The following NAALADL2 variants were observed in gnomAD, a reference collection of about 807,000 sequenced individuals.
NAALADL2 encodes the protein N-acetylated alpha-linked acidic dipeptidase like 2.
In NAALADL2, 76 loss-of-function variants were observed where a neutral mutation model predicts 87.2. The ratio of observed to expected loss-of-function variants is 0.87; its 90% CI spans 0.72 to 1.05. The LOEUF (loss-of-function observed/expected upper bound fraction) is 1.05, where lower values mean the gene tolerates loss of function less well. Among genes scored for constraint, NAALADL2 ranks in the 50% least tolerant of loss-of-function variants. The pLI, the probability that NAALADL2 is intolerant of heterozygous loss-of-function variation, is 0.00. For missense variants in NAALADL2, 1,089 were observed against 945.8 expected, an observed-to-expected ratio of 1.15 and a Z score of -1.99; for synonymous variants, 354 against 331.0, an observed-to-expected ratio of 1.07 and a Z score of -0.75.
At chr3:175,055,471 G>C (rs139010027) in intron 1 of NAALADL2, among the ~76,000 whole-genome samples, 1 of 152,152 alleles carries the variant, frequency 6.6e-6, no homozygotes, top group Non-Finnish European at 1.5e-5. Context: ...AAGGCTCACA[G>C]CTTTTGTACA....
At chr3:175,060,323 C>T (rs184074012) in intron 1 of NAALADL2, among the ~76,000 whole-genome samples, 83 of 152,220 alleles carry the variant, frequency 5.5e-4, no homozygotes, top group Middle Eastern at 3.4e-3. Context: ...AAGAAAAGTT[C>T]GTAAATACAA....
intron 1 of NAALADL2, among the ~76,000 whole-genome samples, chr3:174,518,052 G>T (rs1455508212): frequency 2.0e-5 from 3 of 151,966 alleles, no homozygotes; most frequent in African/African-American, 4.8e-5. Flanking sequence ...GCACAGACTC[G>T]AAAAAACTGG....
At chr3:174,663,760 C>G (rs1332402856) in intron 2 of NAALADL2, among the ~76,000 whole-genome samples, 1 of 151,332 alleles carries the variant, frequency 6.6e-6, no homozygotes, top group Non-Finnish European at 1.5e-5. Flanking sequence ...TGGAGACTTT[C>G]ATTTACTATA....
intron 1 of NAALADL2, among the ~76,000 whole-genome samples, chr3:174,986,911 C>A (rs533834940): frequency 6.6e-6 from 1 of 152,102 alleles, no homozygotes; most frequent in South Asian, 2.1e-4. Context: ...ATGATTCATA[C>A]ATTTTGTGCT....
chr3:175,667,183 G>GAA (rs1491065706), intron 11 of NAALADL2, among the ~76,000 whole-genome samples: 1 of 38,262 alleles, frequency 2.6e-5, no homozygotes, highest in Non-Finnish European at 4.8e-5. Flanking sequence ...GAAAGAAAGA[G>GAA]AAAGAAAGAA....
At chr3:174,902,760 G>A (rs777794297) in intron 1 of NAALADL2, among the ~76,000 whole-genome samples, 3 of 152,104 alleles carry the variant, frequency 2.0e-5, no homozygotes, top group African/African-American at 7.2e-5. Context: ...CTGGTATGCT[G>A]ATGGATAAAG....
At chr3:175,668,297 G>A (rs1291721490) in intron 11 of NAALADL2, among the ~76,000 whole-genome samples, 2 of 152,132 alleles carry the variant, frequency 1.3e-5, no homozygotes, top group South Asian at 2.1e-4. Flanking sequence ...GAGAACAATT[G>A]TGGCATTTGA....
chr3:175,806,847 T>C lies in NAALADL2; in HGVS notation c.*3644T>C, dbSNP rs1033219772. On this transcript the variant is annotated 3_prime_UTR_variant, in exon 14 of 14. Coordinates refer to ENST00000454872, the MANE Select transcript of NAALADL2 (RefSeq NM_207015.3). ...GTATTCAGTTCTTTGTTCTTTACAC[T>C]GAGTGCCGAAAAAAAAAATCAGACT... is the stretch of plus-strand genomic sequence containing the variant. The C allele has an allele frequency of 2.0e-5, 3 of 151,434 alleles. No homozygotes were observed. Among genetic ancestry groups the C allele is most frequent in the African/African-American group, 7.3e-5 (3 of 41,234 alleles). The allele number at this position is 151,434 out of a possible 1,614,324, so 9.4% of individuals were successfully genotyped here. A position where few individuals can be genotyped will look rare whatever the true frequency, so the allele number is the denominator to read the frequency against.
At chr3:174,499,304 T>C (rs1578031489) in intron 1 of NAALADL2, among the ~76,000 whole-genome samples, 1 of 152,082 alleles carries the variant, frequency 6.6e-6, no homozygotes, top group East Asian at 1.9e-4. Context: ...ATATAAGGGT[T>C]CCTCCTACAT....
chr3:175,104,988 C>G (rs1274643210), intron 2 of NAALADL2, among the ~76,000 whole-genome samples: 2 of 152,142 alleles, frequency 1.3e-5, no homozygotes, highest in Non-Finnish European at 2.9e-5. Flanking sequence ...GCTTATGCCC[C>G]TCGCAATCCT....
At chr3:175,386,726 C>G (rs1768423980) in intron 5 of NAALADL2, among the ~76,000 whole-genome samples, 1 of 152,082 alleles carries the variant, frequency 6.6e-6, no homozygotes, top group Non-Finnish European at 1.5e-5. Context: ...GTTGTCTGTG[C>G]CTTCCAGCTC....
chr3:175,101,765 A>G (rs1417898975), intron 2 of NAALADL2, among the ~76,000 whole-genome samples: 3 of 152,180 alleles, frequency 2.0e-5, no homozygotes, highest in Non-Finnish European at 4.4e-5. Flanking sequence ...GAAGGCAGGA[A>G]TGTGTTTGCC....
At chr3:175,490,722 C>T (rs1030864993) in intron 9 of NAALADL2, among the ~76,000 whole-genome samples, 5 of 151,794 alleles carry the variant, frequency 3.3e-5, no homozygotes, top group Non-Finnish European at 5.9e-5. Context: ...TGGAAAGTAC[C>T]ATCAGAAGCA....
intron 9 of NAALADL2, among the ~76,000 whole-genome samples, chr3:175,485,492 G>T (rs946652514): frequency 2.0e-5 from 3 of 152,140 alleles, no homozygotes; most frequent in Non-Finnish European, 4.4e-5. Context: ...CAAAAGTAGG[G>T]GAGCTAACCA....
intron 10 of NAALADL2, among the ~76,000 whole-genome samples, chr3:175,602,526 T>C (rs1421258320): frequency 6.6e-6 from 1 of 151,624 alleles, no homozygotes; most frequent in Non-Finnish European, 1.5e-5. Flanking sequence ...CACACACACA[T>C]TATTTTTAGC....
chr3:174,666,033 C>T (rs916107477), intron 2 of NAALADL2, among the ~76,000 whole-genome samples: 2 of 152,170 alleles, frequency 1.3e-5, no homozygotes, highest in African/African-American at 4.8e-5. Flanking sequence ...TACAAAGACT[C>T]TATTTCCAAA....
exon 1 of NAALADL2, chr3:174,441,016 G>C (rs1714557251): frequency 6.6e-6 from 1 of 152,066 alleles, no homozygotes; most frequent in African/African-American, 2.4e-5. Flanking sequence ...AGACGAGCCC[G>C]CGCCCGCGCC....
chr3:175,203,375 A>T (rs1454884499), intron 2 of NAALADL2, among the ~76,000 whole-genome samples: 2 of 152,094 alleles, frequency 1.3e-5, no homozygotes, highest in Admixed American at 6.6e-5. Context: ...AGCTTCAAGT[A>T]AGGTCAGAAA....
chr3:174,813,672 T>C (rs1215783256), intron 3 of NAALADL2, among the ~76,000 whole-genome samples: 2 of 152,208 alleles, frequency 1.3e-5, no homozygotes, highest in Non-Finnish European at 2.9e-5. Context: ...ATTTTTTTCA[T>C]AGACAAAGTT....
Sources: gnomAD v4.1 joint callset for allele counts (sites outside exome capture counted in the v4.1 genomes callset) on GRCh38, gnomAD v4.1.1 for gene constraint, MANE v1.5 for transcripts, NCBI Gene and HGNC (gene_info 2026-07-23, HGNC 2026-07-21) for gene names.